Variants in ARMC10 observed in about 807,000 individuals in gnomAD.
ARMC10 encodes the protein armadillo repeat-containing protein 10.
ARMC10 carries 23 observed loss-of-function variants against 30.2 expected under a neutral mutation model. The observed-to-expected ratio is 0.76, with a 90% CI of 0.55 to 1.08. The LOEUF (loss-of-function observed/expected upper bound fraction) is 1.08. Among genes scored for constraint, ARMC10 ranks in the 50% least tolerant of loss-of-function variants. The probability of loss-of-function intolerance (pLI) is 0.00; values close to 1 mark genes in which losing one functional copy is unlikely to be tolerated. For synonymous variants in ARMC10, 111 were observed against 164.4 expected, an observed-to-expected ratio of 0.68 and a Z score of 2.48; for missense variants, 303 against 413.7, an observed-to-expected ratio of 0.73 and a Z score of 2.32.
At chr7:103,092,351 A>AAAAT in intron 4 of ARMC10, 126 bp from the exon 5 acceptor site, 2 of 469,966 alleles carry the variant, frequency 4.3e-6, no homozygotes, top group Non-Finnish European at 7.1e-6. Flanking sequence ...AAAAAAAAAA[A>AAAAT]GTCGTATTTT....
At chr7:103,090,034 T>C (rs1052380811) in intron 4 of ARMC10, among the ~76,000 whole-genome samples, 1 of 152,192 alleles carries the variant, frequency 6.6e-6, no homozygotes, top group Admixed American at 6.5e-5. Flanking sequence ...CAAAAGTTTC[T>C]GTAAGAGGTG....
At chr7:103,087,026 T>C in intron 4 of ARMC10, 2 of 952,580 alleles carry the variant, frequency 2.1e-6, no homozygotes, top group South Asian at 3.2e-5. Flanking sequence ...GTGACAGTAA[T>C]AGCCTTAAGG....
intron 4 of ARMC10, chr7:103,087,013 C>T (rs1800922228): frequency 2.8e-6 from 3 of 1,060,376 alleles, no homozygotes; most frequent in African/African-American, 1.6e-5. Flanking sequence ...GGGACAGGCA[C>T]TGGTGACAGT....
chr7:103,075,706 C>T (rs1422348910), intron 1 of ARMC10, 71 bp from the exon 2 acceptor site: 5 of 1,193,098 alleles, frequency 4.2e-6, no homozygotes, highest in Middle Eastern at 2.0e-4. Flanking sequence ...CTTTGTGTAA[C>T]TAAAGGGATT....
chr7:103,077,053 CCTGG>C (rs910046481), intron 2 of ARMC10, among the ~76,000 whole-genome samples: 3 of 152,086 alleles, frequency 2.0e-5, no homozygotes, highest in African/African-American at 7.2e-5. Flanking sequence ...CACACCGACA[CCTGG>C]CTAATTTTTC....
At chr7:103,094,882 A>G (rs1801634141) in intron 5 of ARMC10, among the ~76,000 whole-genome samples, 1 of 152,358 alleles carries the variant, frequency 6.6e-6, no homozygotes. Context: ...GGCCAAAAGC[A>G]TGGTGGCTTT....
chr7:103,096,954 C>A, intron 5 of ARMC10: 1 of 324,370 alleles, frequency 3.1e-6, no homozygotes, highest in South Asian at 9.5e-5. Flanking sequence ...AAACCTGTAT[C>A]TCTGTGATAA....
In ARMC10 at chr7:103,097,260, G is replaced by C. The variant is rs1801832043; in HGVS notation, c.706-17G>C. ...ATGCTTGCCAGTCTGAGATAAGCCA[G>C]TATCATCTTCTTTCAGGTGCAAGTT... On this transcript the variant is annotated splice_polypyrimidine_tract_variant and intron_variant, in intron 5 of 6. Coordinates refer to ENST00000323716, the MANE Select transcript of ARMC10 (RefSeq NM_031905.5). The C allele has an allele frequency of 1.9e-6, 3 of 1,608,124 alleles. No individual in the cohort carries two copies. Among genetic ancestry groups the C allele is most frequent in the Non-Finnish European group, 2.6e-6 (3 of 1,174,618 alleles).
intron 3 of ARMC10, among the ~76,000 whole-genome samples, chr7:103,086,223 T>C (rs1800840117): frequency 6.6e-6 from 1 of 152,224 alleles, no homozygotes; most frequent in Admixed American, 6.5e-5. Flanking sequence ...AAAACACTAC[T>C]TTAGTATTCT....
At position 103,077,395 on chromosome 7, in the gene ARMC10, T is replaced by G. The variant is rs527876725; in HGVS notation, c.244+1514T>G. Reference sequence around the variant, plus strand: ...CTGGGTAATTTATTAGGAAAGAAATTTATTTCTTAGAGTTATGGAAGCTGA... The same window carrying G: ...CTGGGTAATTTATTAGGAAAGAAATGTATTTCTTAGAGTTATGGAAGCTGA... On this transcript the variant is annotated intron_variant, in intron 2 of 6. Transcript: ENST00000323716. 2.2e-4 allele frequency among the ~76,000 whole-genome samples: 33 copies of G among 152,044 alleles called. 1 individual carries two copies. The highest frequency in any genetic ancestry group is 2.2e-3 in the Admixed American group (33 of 15,258).
intron 2 of ARMC10, among the ~76,000 whole-genome samples, chr7:103,076,700 C>T (rs929711146): frequency 1.3e-5 from 2 of 151,954 alleles, no homozygotes; most frequent in African/African-American, 2.4e-5. Flanking sequence ...CCGGGCTTGG[C>T]GGTGGGTGCC....
At chr7:103,093,854 A>T (rs958165777) in intron 5 of ARMC10, among the ~76,000 whole-genome samples, 1 of 152,096 alleles carries the variant, frequency 6.6e-6, no homozygotes, top group South Asian at 2.1e-4. Context: ...GTGTTTTCAT[A>T]TATTTTTTGA....
chr7:103,092,640 A>G lies in ARMC10; in HGVS notation c.692A>G (p.Asn231Ser). The G allele has an allele frequency of 6.4e-7, 1 of 1,570,018 alleles. No homozygotes were observed. The highest frequency in any genetic ancestry group is 2.3e-5 in the East Asian group (1 of 43,934). Residue 231 changes from asparagine to serine, a missense_variant, in exon 5 of 7, where the codon AAT becomes AGT. Asn to Ser is a conservative substitution (Grantham distance 46). Transcript: ENST00000323716. ...TDLFQVLLTGNGNTKVQVLKL... is the reference protein window; with the variant it reads ...TDLFQVLLTGSGNTKVQVLKL... The stretch of plus-strand genomic sequence containing the variant: ...CTGTTCCAGGTGTTACTTACTGGAA[A>G]TGGAAACACGAAGGTATGAAGAGCT...
chr7:103,096,107 TTCTA>T (rs1269173986), intron 5 of ARMC10: 3 of 152,214 alleles, frequency 2.0e-5, no homozygotes, highest in Admixed American at 6.5e-5. Context: ...AAAAGAGGCA[TTCTA>T]TTTGAGTCTT....
chr7:103,079,129 A>G (rs1800154127), intron 2 of ARMC10, among the ~76,000 whole-genome samples: 1 of 152,212 alleles, frequency 6.6e-6, no homozygotes, highest in Non-Finnish European at 1.5e-5. Context: ...GGTAAGAAAA[A>G]CTATAAATCT....
intron 3 of ARMC10, among the ~76,000 whole-genome samples, chr7:103,084,678 T>C (rs1800676012): frequency 6.6e-6 from 1 of 152,346 alleles, no homozygotes. Context: ...CCCAGAGTTC[T>C]CTCTTTCTCT....
intron 2 of ARMC10, among the ~76,000 whole-genome samples, chr7:103,081,169 G>A (rs1800346497): frequency 6.6e-6 from 1 of 152,106 alleles, no homozygotes. Context: ...TCTCTTACCT[G>A]GTAAGTAGCT....
intron 3 of ARMC10, chr7:103,084,106 A>G: frequency 7.8e-7 from 1 of 1,284,920 alleles, no homozygotes; most frequent in Non-Finnish European, 1.0e-6. Flanking sequence ...GGCCTTTTAA[A>G]TTATTTAAAA....
intron 1 of ARMC10, 142 bp downstream of exon 1, chr7:103,075,553 T>TGCGCCGCCC: frequency 1.9e-6 from 2 of 1,073,942 alleles, no homozygotes; most frequent in Non-Finnish European, 2.5e-6. Context: ...TGCAGGGTGC[T>TGCGCCGCCC]GCGCCGCCCC....
Sources: gnomAD v4.1 joint callset for allele counts (sites outside exome capture counted in the v4.1 genomes callset) on GRCh38, gnomAD v4.1.1 for gene constraint, MANE v1.5 for transcripts, NCBI Gene and HGNC (gene_info 2026-07-23, HGNC 2026-07-21) for gene names.